Variants in RNF20 observed in about 807,000 individuals in gnomAD.
The protein encoded by RNF20 is ring finger protein 20, also known as E3 ubiquitin-protein ligase BRE1A.
Under a neutral mutation model 126.2 loss-of-function variants are expected in RNF20, and 84 were observed. The observed-to-expected ratio is 0.67, with a 90% confidence interval of 0.56 to 0.80. RNF20 has a LOEUF of 0.80. Ranked by LOEUF, RNF20 falls within the 30% of genes least tolerant of loss-of-function variation. The pLI is 0.00. For synonymous variants in RNF20, 400 were observed against 414.3 expected (o/e 0.97, Z 0.42); for missense variants, 869 against 1,188.2 (o/e 0.73, Z 3.95).
intron 16 of RNF20, among the ~76,000 whole-genome samples, chr9:101,559,704 G>A (rs1383735802): frequency 6.6e-6 from 1 of 151,994 alleles, no homozygotes; most frequent in African/African-American, 2.4e-5. Context: ...TTCTCAGTTT[G>A]GTTGCTGTTG....
chr9:101,533,987 C>G (rs1007688355), intron 1 of RNF20, 73 bp downstream of exon 1: 1 of 152,224 alleles, frequency 6.6e-6, no homozygotes, highest in Non-Finnish European at 1.5e-5. Flanking sequence ...ACGCTTAGGG[C>G]CCAACAGGAC....
chr9:101,550,511 G>A lies in RNF20; in HGVS notation c.1093-95G>A, dbSNP rs961706527. 6.3e-6 allele frequency: 6 copies of A among 954,868 alleles called. No homozygotes were observed. The African/African-American group carries it at 8.2e-5, about 13-fold the overall frequency. The allele number at this position is 954,868 out of a possible 1,614,324, so 59.1% of individuals were successfully genotyped here. ...TAATCTTTATAAAATTGTCTCTCTT[G>A]TGTAGGACATCAGTGAGTTCAAAAT... On this transcript the variant is annotated intron_variant, in intron 9 of 19. Coordinates refer to ENST00000389120, the MANE Select transcript of RNF20 (RefSeq NM_019592.7).
chr9:101,559,911 T>A (rs1442385556), intron 16 of RNF20, among the ~76,000 whole-genome samples: 2 of 152,208 alleles, frequency 1.3e-5, no homozygotes, highest in Non-Finnish European at 2.9e-5. Flanking sequence ...CTTGTCTGAT[T>A]GCTCTGGCTA....
chr9:101,560,983 T>C, intron 17 of RNF20, 57 bp downstream of exon 17: 3 of 1,599,272 alleles, frequency 1.9e-6, no homozygotes, highest in Non-Finnish European at 2.6e-6. Context: ...AGTATAACAC[T>C]GTTGAGATTG....
intron 5 of RNF20, among the ~76,000 whole-genome samples, chr9:101,544,561 C>T (rs1229561734): frequency 6.6e-6 from 1 of 152,090 alleles, no homozygotes; most frequent in East Asian, 1.9e-4. Flanking sequence ...CAAAAATCAT[C>T]CGGGTGTGGT....
intron 2 of RNF20, among the ~76,000 whole-genome samples, chr9:101,538,737 T>G (rs1827220272): frequency 6.6e-6 from 1 of 152,154 alleles, no homozygotes; most frequent in Admixed American, 6.5e-5. Context: ...TAGGAATGTT[T>G]TAATTAAAGT....
In RNF20 at chr9:101,551,739, A is replaced by G; in HGVS notation, c.1328A>G (p.Asp443Gly). ...AGGACTGAAGTAATTCAGCTAGAAG[A>G]TACATTGGCCCAGGTCCGCAAGGAG... is the stretch of plus-strand genomic sequence containing the variant. ...KLRTEVIQLE[D>G]TLAQVRKEYE... The change falls in exon 11 of 20, where the codon GAT becomes GGT. Residue 443 changes from aspartate to glycine, a missense_variant. Transcript: ENST00000389120. The G allele has an allele frequency of 6.2e-7, 1 of 1,613,744 alleles. No individual in the cohort carries two copies. The highest frequency in any genetic ancestry group is 8.5e-7 in the Non-Finnish European group (1 of 1,179,884).
chr9:101,561,223 G>A lies in RNF20; in HGVS notation c.2642G>A (p.Arg881Gln), dbSNP rs776618752. Reference sequence around the variant, plus strand: ...GAAAAGGACATGTTCAATTTCAAACGAGCCCAGGTAAAAGCAGTTGTCTTT... The same window carrying A: ...GAAAAGGACATGTTCAATTTCAAACAAGCCCAGGTAAAAGCAGTTGTCTTT... ...TKEKDMFNFKRAQEDISRLRR... is the reference protein window; with the variant it reads ...TKEKDMFNFKQAQEDISRLRR... The change falls in exon 18 of 20, where the codon CGA becomes CAA. Residue 881 changes from arginine (R) to glutamine (Q), a missense_variant. Arg to Gln is a conservative substitution (Grantham distance 43). Around this residue, in one of 8 missense-constraint regions of RNF20, gnomAD observed 150 missense variants for 173.7 expected, o/e 0.86. Transcript: ENST00000389120. The A allele has an allele frequency of 3.1e-6, 5 of 1,613,560 alleles. No homozygotes were observed. The highest frequency in any genetic ancestry group is 4.5e-5 in the East Asian group (2 of 44,860).
intron 16 of RNF20, among the ~76,000 whole-genome samples, chr9:101,560,282 C>A (rs1035349637): frequency 6.6e-6 from 1 of 152,060 alleles, no homozygotes; most frequent in Non-Finnish European, 1.5e-5. Flanking sequence ...TTTTGATATG[C>A]TTTTTGAAGG....
chr9:101,543,307 C>CTGTCTAACCCTTCCAGGGCGGCAT (rs1157880119), intron 5 of RNF20, among the ~76,000 whole-genome samples: 1 of 151,382 alleles, frequency 6.6e-6, no homozygotes, highest in Non-Finnish European at 1.5e-5. Flanking sequence ...CAGGGCGGCA[C>CTGTCTAACCCTTCCAGGGCGGCAT]TGTCTAACCC....
At chr9:101,550,814 T>C in intron 10 of RNF20, 29 bp downstream of exon 10, 1 of 1,602,626 alleles carries the variant, frequency 6.2e-7, no homozygotes, top group Non-Finnish European at 8.6e-7. Context: ...CTTTTGTATG[T>C]AAGCTTTCTT....
Position 101,561,945 on chromosome 9 carries a change from C to T in RNF20, c.2685C>T (p.Thr895=), listed in dbSNP as rs1295083337. 6.2e-7 allele frequency: 1 copy of T among 1,613,490 alleles called. No individual in the cohort carries two copies. The highest frequency in any genetic ancestry group is 1.3e-5 in the African/African-American group (1 of 74,844). ...CTAGACTTCGCAGGAAGCTGGAGAC[C>T]ACAAAGAAACCAGACAATGTACCCA... The part of the protein sequence containing the change: ...DISRLRRKLE[T]TKKPDNVPKC... Residue 895 remains threonine, a synonymous_variant, in exon 19 of 20, where the codon ACC becomes ACT. Transcript: ENST00000389120.
rs1827250486 is a variant in RNF20, at chr9:101,540,890, C to G, written c.543C>G (p.Ser181=). The part of the protein sequence containing the change: ...ESQLQERVES[S]RRAVSQIVTV... ...AGCTGCAGGAACGTGTGGAGTCTTC[C>G]CGCCGAGCCGTGTCCCAGATTGTGA... Residue 181 remains serine (S), a synonymous_variant, in exon 5 of 20, where the codon TCC becomes TCG. Transcript: ENST00000389120. 6.2e-7 allele frequency: 1 copy of G among 1,613,826 alleles called. No individual in the cohort carries two copies. Among genetic ancestry groups the G allele is most frequent in the Admixed American group, 1.7e-5 (1 of 59,988 alleles).
intron 13 of RNF20, 103 bp from the exon 14 acceptor site, chr9:101,553,885 A>G (rs1827487886): frequency 3.2e-6 from 2 of 633,892 alleles, no homozygotes; most frequent in Non-Finnish European, 5.5e-6. Context: ...GAAATGTAAA[A>G]TGAAACTGTT....
In RNF20 at chr9:101,540,776, T is replaced by C. The variant is rs1827249213; in HGVS notation, c.446-17T>C. ...TATAATTTTGGGGGGCTTCTTTTTT[T>C]CCCCCTGTGTCCTCAGGGGAAGGGC... is the stretch of plus-strand genomic sequence containing the variant. On this transcript the variant is annotated splice_polypyrimidine_tract_variant and intron_variant, in intron 4 of 19. Transcript: ENST00000389120. 1 of 1,592,568 alleles carries C rather than the reference T, an allele frequency of 6.3e-7. No homozygotes were observed. Among genetic ancestry groups the C allele is most frequent in the Non-Finnish European group, 8.5e-7 (1 of 1,173,214 alleles).
In RNF20 at chr9:101,547,420, C is replaced by G; in HGVS notation, c.994C>G (p.Leu332Val). 4.3e-6 allele frequency: 7 copies of G among 1,614,066 alleles called. No individual in the cohort carries two copies. The highest frequency in any genetic ancestry group is 5.9e-6 in the Non-Finnish European group (7 of 1,179,976). The change falls in exon 9 of 20, where the codon CTT becomes GTT. Residue 332 changes from leucine (L) to valine (V), a missense_variant. This residue lies in a region of RNF20 where 153 missense variants were observed against 226.4 expected (regional missense o/e 0.68). Transcript: ENST00000389120. ...GCAGTTTGAGGAAATGAATGCAGAGCTTGAGGAGAACAAAGAGTTGGCTCA... is the reference window on the plus strand; with the variant it reads ...GCAGTTTGAGGAAATGAATGCAGAGGTTGAGGAGAACAAAGAGTTGGCTCA... ...ARKFEEMNAE[L>V]EENKELAQNR...
chr9:101,553,067 C>G (rs1254190497), intron 13 of RNF20, among the ~76,000 whole-genome samples: 1 of 152,158 alleles, frequency 6.6e-6, no homozygotes, highest in African/African-American at 2.4e-5. Flanking sequence ...CTGCTCTTCA[C>G]TGGATTTGAG....
In RNF20 at chr9:101,554,773, C is replaced by A; in HGVS notation, c.2099C>A (p.Ala700Asp). ...AACAAGAAAATGGCTGATGAGGATG[C>A]CTTGAGGAAGATCCGGGCAGTGGAG... ...KENKKMADEDALRKIRAVEEQ... is the reference protein window; with the variant it reads ...KENKKMADEDDLRKIRAVEEQ... Residue 700 changes from alanine (A) to aspartate (D), a missense_variant, in exon 15 of 20, where the codon GCC (alanine) becomes GAC (aspartate). Physicochemically the swap from Ala to Asp is moderately radical, Grantham distance 126. Transcript: ENST00000389120. 1 of 1,595,584 alleles carries A rather than the reference C, an allele frequency of 6.3e-7. No individual in the cohort carries two copies. Among genetic ancestry groups the A allele is most frequent in the Non-Finnish European group, 8.6e-7 (1 of 1,168,408 alleles).
chr9:101,549,016 T>G (rs1827398785), intron 9 of RNF20, among the ~76,000 whole-genome samples: 1 of 152,190 alleles, frequency 6.6e-6, no homozygotes, highest in Admixed American at 6.5e-5. Flanking sequence ...AAGAATTTTC[T>G]TCTTAGGTTG....
Sources: allele counts gnomAD v4.1 joint callset (sites outside exome capture counted in the v4.1 genomes callset), GRCh38; gene constraint gnomAD v4.1.1; regional missense constraint gnomAD v4.1.1; transcripts MANE v1.5; gene names NCBI Gene and HGNC (gene_info 2026-07-23, HGNC 2026-07-21).